The following STK31 variants were observed in gnomAD, a reference collection of about 807,000 sequenced individuals.
STK31 encodes serine/threonine kinase 31.
In STK31, 89 loss-of-function variants were observed where a neutral mutation model predicts 129.7. The ratio of observed to expected loss-of-function variants is 0.69; its 90% CI spans 0.58 to 0.82. STK31 has a LOEUF of 0.82. Among genes scored for constraint, STK31 ranks in the 40% least tolerant of loss-of-function variants. The probability of loss-of-function intolerance (pLI) is 0.00; values close to 1 mark genes in which losing one functional copy is unlikely to be tolerated. For synonymous variants in STK31, 448 were observed against 395.3 expected, an observed-to-expected ratio of 1.13 and a Z score of -1.58; for missense variants, 1,187 against 1,176.4, an observed-to-expected ratio of 1.01 and a Z score of -0.13.
chr7:23,756,407 G>A (rs1317778178), intron 10 of STK31, among the ~76,000 whole-genome samples: 3 of 152,124 alleles, frequency 2.0e-5, no homozygotes, highest in African/African-American at 7.2e-5. Context: ...GTGAGACGAT[G>A]GGGATTTCTA....
At chr7:23,778,656 T>C (rs1161498494) in intron 15 of STK31, among the ~76,000 whole-genome samples, 1 of 152,050 alleles carries the variant, frequency 6.6e-6, no homozygotes, top group Non-Finnish European at 1.5e-5. Flanking sequence ...TTCATGAAGT[T>C]CTCATACTTT....
intron 10 of STK31, among the ~76,000 whole-genome samples, chr7:23,754,905 G>C (rs1788964608): frequency 6.6e-6 from 1 of 152,162 alleles, no homozygotes; most frequent in South Asian, 2.1e-4. Flanking sequence ...ATCGTTGATG[G>C]GCATTTGGGT....
At chr7:23,721,783 G>T (rs1444259345) in intron 4 of STK31, 21 of 649,816 alleles carry the variant, frequency 3.2e-5, no homozygotes, top group Admixed American at 1.9e-4. Flanking sequence ...GTCCAGTTCT[G>T]CGTTAACTGA....
At chr7:23,710,615 C>A in intron 1 of STK31, 1 of 1,265,156 alleles carries the variant, frequency 7.9e-7, no homozygotes, top group Non-Finnish European at 1.0e-6. Flanking sequence ...AAATTCTGTG[C>A]CATTTAAGTT....
At chr7:23,746,632 TA>T (rs1788370707) in intron 8 of STK31, among the ~76,000 whole-genome samples, 1 of 152,136 alleles carries the variant, frequency 6.6e-6, no homozygotes, top group Non-Finnish European at 1.5e-5. Context: ...TACAATTAAG[TA>T]ATCTAGAGAA....
intron 20 of STK31, among the ~76,000 whole-genome samples, 193 bp from the exon 21 acceptor site, chr7:23,787,783 AACAC>A (rs897605952): frequency 9.1e-6 from 1 of 109,602 alleles, no homozygotes; most frequent in South Asian, 3.0e-4. Context: ...CACACACACA[AACAC>A]ACACAGGCAC....
rs189906985 is a variant in STK31, at chr7:23,710,582, C to T, written c.50+247C>T. 2.0e-5 allele frequency: 27 copies of T among 1,363,238 alleles called. No individual in the cohort carries two copies. The East Asian group carries it at 4.1e-4, about 20-fold the overall frequency. 84.4% of individuals were successfully genotyped at this position (1,363,238 alleles called of 1,614,324 possible). On this transcript the variant is annotated intron_variant, in intron 1 of 23. Transcript: ENST00000355870. Reference sequence around the variant, plus strand: ...CCATGAAGACGCGGTCACGCAGCCTCCACACTCTCTTCCCCTTCTCGAAAA... The same window carrying T: ...CCATGAAGACGCGGTCACGCAGCCTTCACACTCTCTTCCCCTTCTCGAAAA...
intron 22 of STK31, among the ~76,000 whole-genome samples, chr7:23,800,051 T>TTAGA (rs1209487024): frequency 3.9e-5 from 6 of 152,130 alleles, no homozygotes; most frequent in Admixed American, 6.5e-5. Flanking sequence ...CTCATGCCAC[T>TTAGA]TAGAATGGCA....
intron 12 of STK31, 96 bp downstream of exon 12, chr7:23,769,270 C>A: frequency 8.6e-7 from 1 of 1,169,568 alleles, no homozygotes. Context: ...ACATCATCTA[C>A]CTACTATGTA....
chr7:23,819,735 G>T (rs2128129429), intron 23 of STK31, among the ~76,000 whole-genome samples: 1 of 152,236 alleles, frequency 6.6e-6, no homozygotes, highest in African/African-American at 2.4e-5. Flanking sequence ...ATGTGCTTTG[G>T]TTGGAGTAAT....
intron 4 of STK31, among the ~76,000 whole-genome samples, 161 bp downstream of exon 4, chr7:23,717,740 C>CTGAATA (rs1445534553): frequency 3.9e-5 from 6 of 152,124 alleles, no homozygotes; most frequent in African/African-American, 1.4e-4. Context: ...TTCAAAAATA[C>CTGAATA]TTATGGACTG....
intron 22 of STK31, among the ~76,000 whole-genome samples, chr7:23,806,554 G>A (rs1181951740): frequency 6.6e-6 from 1 of 152,202 alleles, no homozygotes; most frequent in Non-Finnish European, 1.5e-5. Context: ...TCATAATGAA[G>A]CAGACTGGGG....
In STK31 at chr7:23,735,599, C is replaced by A. The variant is rs764763253; in HGVS notation, c.545C>A (p.Thr182Asn). 9.9e-6 allele frequency: 16 copies of A among 1,612,944 alleles called. No homozygotes were observed. In the Admixed American group the frequency reaches 2.5e-4, roughly 25 times the overall value. Reference sequence around the variant, plus strand: ...GAAATAAAAATGAGAATTAAAGCAACCTCTGAAGATGGAACAGTTATTGCT... The same window carrying A: ...GAAATAAAAATGAGAATTAAAGCAAACTCTGAAGATGGAACAGTTATTGCT... ...EKEIKMRIKA[T>N]SEDGTVIAQA... Residue 182 changes from threonine to asparagine, a missense_variant, in exon 7 of 24, where the codon ACC becomes AAC. Coordinates refer to ENST00000355870, the MANE Select transcript of STK31 (RefSeq NM_031414.5).
chr7:23,740,558 A>G (rs1787997980), intron 8 of STK31, among the ~76,000 whole-genome samples: 1 of 152,026 alleles, frequency 6.6e-6, no homozygotes, highest in Admixed American at 6.6e-5. Context: ...GGTTTGTTAC[A>G]TACGTATACA....
chr7:23,742,320 A>G (rs2128085437), intron 8 of STK31, among the ~76,000 whole-genome samples: 2 of 152,348 alleles, frequency 1.3e-5, no homozygotes, highest in East Asian at 3.9e-4. Flanking sequence ...TAGCAGGGTG[A>G]CAAGTATCCT....
chr7:23,735,502 G>A, intron 6 of STK31, 36 bp from the exon 7 acceptor site: 1 of 1,502,650 alleles, frequency 6.7e-7, no homozygotes, highest in Non-Finnish European at 9.0e-7. Context: ...AGAGAAACAT[G>A]TTGGTGTAGC....
intron 10 of STK31, among the ~76,000 whole-genome samples, chr7:23,761,453 C>G (rs1223926581): frequency 6.7e-6 from 1 of 148,456 alleles, no homozygotes; most frequent in African/African-American, 2.5e-5. Flanking sequence ...CGGAGTCTCG[C>G]TCTGTCGCCC....
At position 23,785,541 on chromosome 7, in the gene STK31, G is replaced by A; in HGVS notation, c.2212G>A (p.Glu738Lys). ...TCTTCTTGATGCTGAGCCCATGAAG[G>A]AACTTAGCAGCAAGCGTCCTTTGGT... Reference protein sequence around the residue: ...RDLLDAEPMKELSSKRPLVRS... With the variant: ...RDLLDAEPMKKLSSKRPLVRS... Residue 738 changes from glutamate to lysine, a missense_variant, in exon 18 of 24, where the codon GAA becomes AAA. Around this residue, in one of 5 missense-constraint regions of STK31, gnomAD observed 975 missense variants for 934.9 expected, o/e 1.04. Transcript: ENST00000355870. 1.2e-6 allele frequency: 2 copies of A among 1,613,990 alleles called. No homozygotes were observed. The highest frequency in any genetic ancestry group is 1.7e-6 in the Non-Finnish European group (2 of 1,179,912).
At chr7:23,827,638 A>C (rs1306035462) in intron 23 of STK31, among the ~76,000 whole-genome samples, 1 of 152,104 alleles carries the variant, frequency 6.6e-6, no homozygotes, top group African/African-American at 2.4e-5. Flanking sequence ...GTTGCTGGTG[A>C]GGAGCTGCGT....
Sources: allele counts gnomAD v4.1 joint callset (sites outside exome capture counted in the v4.1 genomes callset), GRCh38; gene constraint gnomAD v4.1.1; regional missense constraint gnomAD v4.1.1; transcripts MANE v1.5; gene names NCBI Gene and HGNC (gene_info 2026-07-23, HGNC 2026-07-21).